The following PTPRN2 variants were observed in gnomAD, a reference collection of about 807,000 sequenced individuals.
The protein encoded by PTPRN2 is protein tyrosine phosphatase receptor type N2, also known as receptor-type tyrosine-protein phosphatase N2.
Under a neutral mutation model 118.8 loss-of-function variants are expected in PTPRN2, and 74 were observed. The observed-to-expected ratio is 0.62, with a 90% CI of 0.52 to 0.76. The LOEUF (loss-of-function observed/expected upper bound fraction) is 0.76, where lower values mean the gene tolerates loss of function less well. Among genes scored for constraint, PTPRN2 ranks in the 30% least tolerant of loss-of-function variants. The pLI is 0.00. For synonymous variants in PTPRN2, 641 were observed against 608.0 expected, an observed-to-expected ratio of 1.05 and a Z score of -0.80; for missense variants, 1,481 against 1,394.4, an observed-to-expected ratio of 1.06 and a Z score of -0.99.
chr7:158,262,876 C>A (rs1797581630), intron 3 of PTPRN2, among the ~76,000 whole-genome samples: 1 of 141,680 alleles, frequency 7.1e-6, no homozygotes, highest in South Asian at 2.2e-4. Flanking sequence ...TCACACACTG[C>A]ACACACATAC....
At position 157,618,748 on chromosome 7, in the gene PTPRN2, T is replaced by G. The variant is rs1035434551; in HGVS notation, c.2344+2614A>C. On this transcript the variant is annotated intron_variant, in intron 15 of 22. Coordinates refer to ENST00000389418, the MANE Select transcript of PTPRN2 (RefSeq NM_002847.5). This position sits in a 1 kb window ranked among gnomAD's most constrained non-coding sequence, Gnocchi z 4.2. The stretch of plus-strand genomic sequence containing the variant: ...GTAGGTAATACAAGTTTGCTCAGAA[T>G]AAACCTATGTGTTCATGAAAATATT... 1 of 152,258 alleles carries G rather than the reference T, an allele frequency of 6.6e-6. No homozygotes were observed. The highest frequency in any genetic ancestry group is 2.4e-5 in the African/African-American group (1 of 41,452). The allele number at this position is 152,258 out of a possible 1,614,324, so 9.4% of individuals were successfully genotyped here.
chr7:158,493,398 C>T (rs1389526306), intron 1 of PTPRN2, among the ~76,000 whole-genome samples: 2 of 101,014 alleles, frequency 2.0e-5, no homozygotes, highest in Non-Finnish European at 4.1e-5. Context: ...TACATGTGAG[C>T]ATACACCTGC....
At chr7:158,252,756 C>T (rs959281855) in intron 3 of PTPRN2, among the ~76,000 whole-genome samples, 34 of 152,150 alleles carry the variant, frequency 2.2e-4, no homozygotes, top group African/African-American at 4.6e-4. Flanking sequence ...CAGCACATCC[C>T]GACAATCAGC....
intron 2 of PTPRN2, among the ~76,000 whole-genome samples, chr7:158,476,489 A>G (rs906111507): frequency 3.3e-5 from 5 of 152,250 alleles, no homozygotes; most frequent in Admixed American, 1.3e-4. Context: ...AACAACTGCC[A>G]GCCAAGGACG....
intron 12 of PTPRN2, among the ~76,000 whole-genome samples, chr7:157,830,659 G>A (rs1225019068): frequency 6.6e-6 from 1 of 152,210 alleles, no homozygotes; most frequent in Non-Finnish European, 1.5e-5. Context: ...AATCCAACAG[G>A]CCCAGGCCAC....
intron 12 of PTPRN2, among the ~76,000 whole-genome samples, chr7:157,793,114 T>G (rs1036319286): frequency 6.6e-6 from 1 of 152,006 alleles, no homozygotes; most frequent in African/African-American, 2.4e-5. Flanking sequence ...CGCAGCTGCA[T>G]CTGCAGCTGC....
rs187334135 is a variant in PTPRN2 at position 158,297,685 on chromosome 7, G to C, written c.277+19134C>G. 5.9e-5 allele frequency among the ~76,000 whole-genome samples: 9 copies of C among 152,316 alleles called. 1 individual carries two copies. The South Asian group carries it at 1.9e-3, about 32-fold the overall frequency. On this transcript the variant is annotated intron_variant, in intron 3 of 22. Transcript: ENST00000389418. ...TAAAACAGAGAATGGCCAATGTTTA[G>C]AGGTTAAGAGTGCTACAGGTGCACA... is the stretch of plus-strand genomic sequence containing the variant.
chr7:158,414,056 A>T (rs1814422238), intron 2 of PTPRN2, among the ~76,000 whole-genome samples: 1 of 135,890 alleles, frequency 7.4e-6, no homozygotes, highest in Non-Finnish European at 1.5e-5. Context: ...TGACAGAGAC[A>T]GCCTCTATCT....
intron 11 of PTPRN2, among the ~76,000 whole-genome samples, chr7:157,919,290 C>G (rs1316173751): frequency 2.6e-5 from 4 of 152,114 alleles, no homozygotes; most frequent in Non-Finnish European, 5.9e-5. Context: ...AAACAAAACT[C>G]TCTCATCATT....
Position 157,903,971 on chromosome 7 carries a change from G to A in PTPRN2, c.1724-5234C>T, listed in dbSNP as rs2128754992. ...GACTAATCCATGTGCCCTCGTGACA[G>A]CGGCTGTTTTGCTGCATGTCTCATG... On this transcript the variant is annotated intron_variant, in intron 11 of 22. Transcript: ENST00000389418. This position sits in a 1 kb window ranked among gnomAD's most constrained non-coding sequence, Gnocchi z 4.2. Among the ~76,000 whole-genome samples the A allele has an allele frequency of 6.6e-6, 1 of 152,318 alleles. No individual in the cohort carries two copies. The highest frequency in any genetic ancestry group is 2.4e-5 in the African/African-American group (1 of 41,564).
At chr7:158,548,451 G>T (rs1826435373) in intron 1 of PTPRN2, among the ~76,000 whole-genome samples, 2 of 152,096 alleles carry the variant, frequency 1.3e-5, no homozygotes, top group African/African-American at 2.4e-5. Context: ...GTGCACATGG[G>T]CTCTGCCATG....
rs1258511700 is a variant in PTPRN2 at position 157,621,467 on chromosome 7, T to C, written c.2239A>G (p.Lys747Glu). The C allele has an allele frequency of 1.2e-6, 2 of 1,613,944 alleles. No individual in the cohort carries two copies. Residue 747 changes from lysine (K) to glutamate (E), a missense_variant, in exon 15 of 23, where the codon AAG (lysine) becomes GAG (glutamate). Transcript: ENST00000389418. ...DHLKNKNRLEKEWEALCAYQA... is the reference protein window; with the variant it reads ...DHLKNKNRLEEEWEALCAYQA... ...TAGGCGCACAGCGCTTCCCACTCCT[T>C]CTCCAGCCGGTTCTTGTTCTTCAGG...
intron 3 of PTPRN2, among the ~76,000 whole-genome samples, chr7:158,246,607 T>A (rs777582010): frequency 5.3e-5 from 8 of 151,628 alleles, no homozygotes; most frequent in Non-Finnish European, 1.2e-4. Flanking sequence ...GAAGTTGCGT[T>A]TTCTTCCTTT....
At chr7:158,373,952 C>T (rs111735303) in intron 2 of PTPRN2, among the ~76,000 whole-genome samples, 17 of 152,348 alleles carry the variant, frequency 1.1e-4, no homozygotes, top group Non-Finnish European at 2.2e-4. Context: ...CTCAAATGCA[C>T]AGATGAGAAG....
intron 9 of PTPRN2, among the ~76,000 whole-genome samples, chr7:158,121,233 G>A (rs1380349768): frequency 6.6e-6 from 1 of 152,132 alleles, no homozygotes; most frequent in Non-Finnish European, 1.5e-5. Flanking sequence ...GAGCCATTAG[G>A]AAGAGGGCAG....
intron 6 of PTPRN2, among the ~76,000 whole-genome samples, chr7:158,141,316 C>G (rs1479143660): frequency 6.6e-6 from 1 of 152,234 alleles, no homozygotes; most frequent in Non-Finnish European, 1.5e-5. Context: ...CAGGGCTCGA[C>G]AGTGGCACTG....
intron 12 of PTPRN2, among the ~76,000 whole-genome samples, chr7:157,896,104 AACCCAG>A (rs1797097778): frequency 6.6e-6 from 1 of 151,222 alleles, no homozygotes; most frequent in African/African-American, 2.4e-5. Flanking sequence ...GGGAAGATGA[AACCCAG>A]ATCCCCCAAT....
chr7:158,361,499 G>A (rs2151292665), intron 2 of PTPRN2, among the ~76,000 whole-genome samples: 1 of 152,308 alleles, frequency 6.6e-6, no homozygotes, highest in African/African-American at 2.4e-5. Flanking sequence ...TTGCTGCTCA[G>A]GCCATCCACA....
intron 6 of PTPRN2, among the ~76,000 whole-genome samples, chr7:158,163,926 G>T (rs1481329426): frequency 6.6e-6 from 1 of 152,218 alleles, no homozygotes; most frequent in East Asian, 1.9e-4. Flanking sequence ...TACCTGCATG[G>T]GGTTCTCAAT....
Sources: allele counts gnomAD v4.1 joint callset (sites outside exome capture counted in the v4.1 genomes callset), GRCh38; gene constraint gnomAD v4.1.1; non-coding constraint Gnocchi (gnomAD v3.1); transcripts MANE v1.5; gene names NCBI Gene and HGNC (gene_info 2026-07-23, HGNC 2026-07-21).